The following RHOG variants were observed in gnomAD, a reference collection of about 807,000 sequenced individuals.
RHOG encodes the protein ras homolog family member G.
In RHOG, 1 loss-of-function variant was observed where a neutral mutation model predicts 12.3. The ratio of observed to expected loss-of-function variants is 0.08; its 90% CI spans 0.03 to 0.39. RHOG has a LOEUF of 0.39. Ranked by LOEUF, RHOG falls within the 10% of genes least tolerant of loss-of-function variation. RHOG has a pLI of 0.99. For synonymous variants in RHOG, 129 were observed against 116.0 expected (o/e 1.11, Z -0.72); for missense variants, 114 against 266.2 (o/e 0.43, Z 3.98).
chr11:3,836,902 C>CAAAAAAAAAAAAAA (rs57344316), intron 1 of RHOG, among the ~76,000 whole-genome samples: 13 of 29,252 alleles, frequency 4.4e-4, no homozygotes, highest in African/African-American at 9.6e-4. Flanking sequence ...GACTCCATCT[C>CAAAAAAAAAAAAAA]AAAAAAAAAA....
chr11:3,838,627 C>T (rs1254208075), intron 1 of RHOG, among the ~76,000 whole-genome samples: 1 of 151,416 alleles, frequency 6.6e-6, no homozygotes, highest in African/African-American at 2.4e-5. Context: ...AAGAACAATT[C>T]ATGGGAGAGG....
At position 3,827,794 on chromosome 11, in the gene RHOG, G is replaced by C. The variant is rs748711209; in HGVS notation, c.345C>G (p.Thr115=). ...CPDVPILLVG[T]KKDLRAQPDT... ...CAGGCTGGGCTCTCAGGTCCTTCTTGGTGCCCACCAGCAGGATGGGCACAT... is the reference window on the plus strand; with the variant it reads ...CAGGCTGGGCTCTCAGGTCCTTCTTCGTGCCCACCAGCAGGATGGGCACAT... Residue 115 remains threonine, a synonymous_variant, in exon 2 of 2, where the codon ACC becomes ACG. Coordinates refer to ENST00000351018, the MANE Select transcript of RHOG (RefSeq NM_001665.4). This position sits in a 1 kb window ranked among gnomAD's most constrained non-coding sequence, Gnocchi z 7.3. 4.3e-6 allele frequency: 7 copies of C among 1,613,574 alleles called. No individual in the cohort carries two copies. Among genetic ancestry groups the C allele is most frequent in the Non-Finnish European group, 5.9e-6 (7 of 1,179,712 alleles).
At chr11:3,831,419 T>C (rs1242851232) in intron 1 of RHOG, among the ~76,000 whole-genome samples, 2 of 151,940 alleles carry the variant, frequency 1.3e-5, no homozygotes, top group African/African-American at 4.8e-5. Flanking sequence ...AGAGAGTGTG[T>C]GTGTGTGTTT....
chr11:3,828,472 A>C (rs995373821), intron 1 of RHOG, among the ~76,000 whole-genome samples: 7 of 152,152 alleles, frequency 4.6e-5, no homozygotes, highest in Admixed American at 1.3e-4. Context: ...CTAGCTGTGT[A>C]ACCCTGAAAA....
rs1177540778 is a variant in RHOG at position 3,827,749 on chromosome 11, C to T, written c.390G>A (p.Lys130=). 1.2e-6 allele frequency: 2 copies of T among 1,613,958 alleles called. No homozygotes were observed. Among genetic ancestry groups the T allele is most frequent in the Non-Finnish European group, 1.7e-6 (2 of 1,179,938 alleles). Reference sequence around the variant, plus strand: ...GTGTGATGGGCGCCTGGCCCTGCTCCTTGAGGCGCCGTAGGGTGTCAGGCT... The same window carrying T: ...GTGTGATGGGCGCCTGGCCCTGCTCTTTGAGGCGCCGTAGGGTGTCAGGCT... The part of the protein sequence containing the change: ...RAQPDTLRRL[K]EQGQAPITPQ... The change falls in exon 2 of 2, where the codon AAG becomes AAA. Residue 130 remains lysine, a synonymous_variant. Coordinates refer to ENST00000351018, the MANE Select transcript of RHOG (RefSeq NM_001665.4). The surrounding 1 kb of genome is among the most constrained non-coding windows in gnomAD (Gnocchi z 7.3).
chr11:3,828,968 T>C (rs1197255866), intron 1 of RHOG, among the ~76,000 whole-genome samples: 1 of 150,604 alleles, frequency 6.6e-6, no homozygotes, highest in African/African-American at 2.4e-5. Flanking sequence ...AAAAGGAGAG[T>C]GCACAAATTT....
chr11:3,831,319 G>C (rs1413176369), intron 1 of RHOG, among the ~76,000 whole-genome samples: 1 of 152,148 alleles, frequency 6.6e-6, no homozygotes, highest in Non-Finnish European at 1.5e-5. Flanking sequence ...GTTTGCCTTG[G>C]AATCAGCTGG....
chr11:3,835,976 G>C (rs1247327437), intron 1 of RHOG, among the ~76,000 whole-genome samples: 1 of 151,772 alleles, frequency 6.6e-6, no homozygotes, highest in East Asian at 1.9e-4. Context: ...ACTGGGACCA[G>C]GCCAAGGGCT....
Position 3,827,195 on chromosome 11 carries a change from G to A in RHOG, c.*368C>T. The A allele has an allele frequency of 3.9e-6, 1 of 256,834 alleles. No homozygotes were observed. Among genetic ancestry groups the A allele is most frequent in the Non-Finnish European group, 7.6e-6 (1 of 132,048 alleles). The allele number at this position is 256,834 out of a possible 1,614,324, so 15.9% of individuals were successfully genotyped here. Reference sequence around the variant, plus strand: ...GCAGCGAGGGCAGAGGTTAGAGATGGCTGAGAGCCCCTAACCTGAGGCGGC... The same window carrying A: ...GCAGCGAGGGCAGAGGTTAGAGATGACTGAGAGCCCCTAACCTGAGGCGGC... On this transcript the variant is annotated 3_prime_UTR_variant, in exon 2 of 2. Transcript: ENST00000351018. The surrounding 1 kb of genome is among the most constrained non-coding windows in gnomAD (Gnocchi z 7.3).
chr11:3,830,012 G>T (rs2090116812), intron 1 of RHOG, among the ~76,000 whole-genome samples: 1 of 152,200 alleles, frequency 6.6e-6, no homozygotes. Context: ...TCCAAAAAGT[G>T]CTGGGATTAC....
Position 3,828,042 on chromosome 11 carries a change from T to C in RHOG, c.97A>G (p.Ile33Val). 6.2e-7 allele frequency: 1 copy of C among 1,614,254 alleles called. No individual in the cohort carries two copies. The highest frequency in any genetic ancestry group is 8.5e-7 in the Non-Finnish European group (1 of 1,180,038). Reference sequence around the variant, plus strand: ...CTGTAATTGTCGAACACGGTGGGGATGTACTCTTTGGGGAAAGCGTTAGTT... The same window carrying C: ...CTGTAATTGTCGAACACGGTGGGGACGTACTCTTTGGGGAAAGCGTTAGTT... ...YTTNAFPKEYIPTVFDNYSAQ... is the reference protein window; with the variant it reads ...YTTNAFPKEYVPTVFDNYSAQ... Residue 33 changes from isoleucine to valine, a missense_variant, in exon 2 of 2, where the codon ATC becomes GTC. By Grantham distance (29) the Ile-to-Val change is conservative. This residue lies in a region of RHOG where 53 missense variants were observed against 164.8 expected (regional missense o/e 0.32). Transcript: ENST00000351018.
intron 1 of RHOG, among the ~76,000 whole-genome samples, chr11:3,835,525 C>G (rs1261346858): frequency 6.6e-6 from 1 of 152,174 alleles, no homozygotes; most frequent in Non-Finnish European, 1.5e-5. Flanking sequence ...CCTCCCCCAT[C>G]AATCCACAGA....
intron 1 of RHOG, among the ~76,000 whole-genome samples, chr11:3,839,065 C>G (rs532102425): frequency 2.6e-5 from 4 of 152,316 alleles, no homozygotes; most frequent in East Asian, 1.9e-4. Flanking sequence ...TTGCCTCCGC[C>G]GCTTCTTAAG....
intron 1 of RHOG, among the ~76,000 whole-genome samples, chr11:3,840,111 A>G (rs1456244083): frequency 1.3e-5 from 2 of 152,212 alleles, no homozygotes; most frequent in Non-Finnish European, 2.9e-5. Flanking sequence ...AATTGTCCCC[A>G]AAAGACACAA....
chr11:3,835,123 T>C (rs1403999463), intron 1 of RHOG, among the ~76,000 whole-genome samples: 2 of 152,188 alleles, frequency 1.3e-5, no homozygotes, highest in East Asian at 1.9e-4. Context: ...GTGAATCTTA[T>C]CTCTTGTTAT....
At chr11:3,837,277 C>G (rs1337849976) in intron 1 of RHOG, among the ~76,000 whole-genome samples, 1 of 152,154 alleles carries the variant, frequency 6.6e-6, no homozygotes, top group Non-Finnish European at 1.5e-5. Flanking sequence ...ATCTATTTTC[C>G]ACTGTCAGTG....
rs113197935 is a variant in RHOG at position 3,828,842 on chromosome 11, G to T, written c.-68-636C>A. Reference sequence around the variant, plus strand: ...TCACCGTGTTGGCCAGGATGGTCTCGATCTCCTGACCTCGTGATCCGCCCG... The same window carrying T: ...TCACCGTGTTGGCCAGGATGGTCTCTATCTCCTGACCTCGTGATCCGCCCG... On this transcript the variant is annotated intron_variant, in intron 1 of 1. Transcript: ENST00000351018. Among the ~76,000 whole-genome samples, 492 of 151,796 alleles carry T rather than the reference G, an allele frequency of 3.2e-3. 1 individual carries two copies. The highest frequency in any genetic ancestry group is 6.8e-3 in the African/African-American group (283 of 41,388).
At chr11:3,840,501 G>GC (rs1424656069) in intron 1 of RHOG, 1 of 150,794 alleles carries the variant, frequency 6.6e-6, no homozygotes, top group Non-Finnish European at 1.5e-5. Flanking sequence ...GCCTTTTCCA[G>GC]CCCAGAAGCC....
At chr11:3,837,717 G>A (rs1054537544) in intron 1 of RHOG, 35 of 152,348 alleles carry the variant, frequency 2.3e-4, no homozygotes, top group Admixed American at 2.0e-3. Context: ...TCTGGCCTGA[G>A]AATGGGCCAT....
Sources: allele counts gnomAD v4.1 joint callset (sites outside exome capture counted in the v4.1 genomes callset), GRCh38; gene constraint gnomAD v4.1.1; regional missense constraint gnomAD v4.1.1; non-coding constraint Gnocchi (gnomAD v3.1); transcripts MANE v1.5; gene names NCBI Gene and HGNC (gene_info 2026-07-23, HGNC 2026-07-21).